The following CAMSAP2 variants were observed in gnomAD, a reference collection of about 807,000 sequenced individuals.
The protein encoded by CAMSAP2 is calmodulin regulated spectrin associated protein family member 2, also known as calmodulin-regulated spectrin-associated protein 2.
In CAMSAP2, 26 loss-of-function variants were observed where a neutral mutation model predicts 146.1. The ratio of observed to expected loss-of-function variants is 0.18; its 90% CI spans 0.13 to 0.25. CAMSAP2 has a LOEUF of 0.25. Among genes scored for constraint, CAMSAP2 ranks in the 10% least tolerant of loss-of-function variants. The probability of loss-of-function intolerance (pLI) is 1.00; values close to 1 mark genes in which losing one functional copy is unlikely to be tolerated. For synonymous variants in CAMSAP2, 499 were observed against 596.6 expected (o/e 0.84, Z 2.38); for missense variants, 1,381 against 1,759.3 (o/e 0.78, Z 3.85).
intron 2 of CAMSAP2, among the ~76,000 whole-genome samples, chr1:200,788,010 A>G (rs1665642490): frequency 6.6e-6 from 1 of 152,222 alleles, no homozygotes; most frequent in Non-Finnish European, 1.5e-5. Flanking sequence ...CATAACTTTT[A>G]TATGCCTGGG....
At position 200,859,054 on chromosome 1, in the gene CAMSAP2, A is replaced by C. The variant is rs1304776724; in HGVS notation, c.*995A>C. Reference sequence around the variant, plus strand: ...TTTTTAAACATGTACAAAGGGCTACATTTTAATTTTAAAATAGCTTCACAT... The same window carrying C: ...TTTTTAAACATGTACAAAGGGCTACCTTTTAATTTTAAAATAGCTTCACAT... On this transcript the variant is annotated 3_prime_UTR_variant, in exon 17 of 17. Coordinates refer to ENST00000358823, the MANE Select transcript of CAMSAP2 (RefSeq NM_203459.4). The C allele has an allele frequency of 6.6e-6, 1 of 152,508 alleles. No homozygotes were observed. Among genetic ancestry groups the C allele is most frequent in the South Asian group, 2.1e-4 (1 of 4,830 alleles). The allele number at this position is 152,508 out of a possible 1,614,324, so 9.4% of individuals were successfully genotyped here.
chr1:200,828,682 AAGTCATTTCATGTAATTCTGTT>A lies in CAMSAP2; in HGVS notation c.646-3510_646-3489del. 3.0e-6 allele frequency: 4 copies of A among 1,327,662 alleles called. No homozygotes were observed. In the South Asian group the frequency reaches 5.2e-5, roughly 17 times the overall value. 82.2% of individuals were successfully genotyped at this position (1,327,662 alleles called of 1,614,324 possible). ...TGGTATTGTTTATGTCTTGCTGTTA[AAGTCATTTCATGTAATTCTGTT>A]AGTCATTGAATAGAGATTGGATTTT... On this transcript the variant is annotated intron_variant, in intron 4 of 16. Transcript: ENST00000358823.
intron 6 of CAMSAP2, among the ~76,000 whole-genome samples, chr1:200,837,033 TA>T (rs34972942): frequency 0.17 from 25,658 of 152,070 alleles, 2,870 homozygotes; most frequent in East Asian, 0.35. Context: ...TCTCCCATTC[TA>T]TAAGCTCTCT....
chr1:200,813,164 C>T (rs952641704), intron 3 of CAMSAP2, among the ~76,000 whole-genome samples: 3 of 152,354 alleles, frequency 2.0e-5, no homozygotes, highest in Admixed American at 1.3e-4. Flanking sequence ...AGGACTTGCT[C>T]TCTGCTTCAG....
In CAMSAP2 at chr1:200,848,111, A is replaced by G. The variant is rs553031275; in HGVS notation, c.1342A>G (p.Ile448Val). 8.1e-6 allele frequency: 13 copies of G among 1,610,376 alleles called. 1 individual carries two copies. In the Middle Eastern group the frequency reaches 8.2e-4, roughly 102 times the overall value. ...SVQRSTPNRG[I>V]TRSISNEGLT... is the part of the protein sequence containing the mutation. ...ACAGAGATCCACTCCAAACCGAGGA[A>G]TCACTCGTTCTATTAGTAATGAAGG... Residue 448 changes from isoleucine to valine, a missense_variant, in exon 11 of 17, where the codon ATC (isoleucine) becomes GTC (valine). Ile to Val is a conservative substitution (Grantham distance 29, BLOSUM62 3). Around this residue, in one of 4 missense-constraint regions of CAMSAP2, gnomAD observed 447 missense variants for 462.2 expected, o/e 0.97. Coordinates refer to ENST00000358823, the MANE Select transcript of CAMSAP2 (RefSeq NM_203459.4).
chr1:200,810,832 C>T (rs1055733842), intron 3 of CAMSAP2, among the ~76,000 whole-genome samples: 5 of 151,702 alleles, frequency 3.3e-5, no homozygotes, highest in South Asian at 2.1e-4. Context: ...GAGGTTGCAG[C>T]GACTCGAGAT....
intron 2 of CAMSAP2, among the ~76,000 whole-genome samples, chr1:200,768,227 G>C (rs933907651): frequency 6.6e-5 from 10 of 152,182 alleles, no homozygotes; most frequent in Non-Finnish European, 1.5e-4. Flanking sequence ...TTTGAAGGAT[G>C]CGGAGGAATT....
intron 1 of CAMSAP2, among the ~76,000 whole-genome samples, chr1:200,751,324 G>A (rs1664500006): frequency 6.6e-6 from 1 of 151,690 alleles, no homozygotes; most frequent in Non-Finnish European, 1.5e-5. Context: ...CTCCTTCAGT[G>A]TATATCTCCT....
chr1:200,817,948 T>TG (rs1666651266), intron 4 of CAMSAP2, among the ~76,000 whole-genome samples: 1 of 152,234 alleles, frequency 6.6e-6, no homozygotes. Flanking sequence ...TTTCTGTCCT[T>TG]GCCTCTTCCC....
chr1:200,849,200 G>A lies in CAMSAP2; in HGVS notation c.2431G>A (p.Glu811Lys). The change falls in exon 11 of 17, where the codon GAG (glutamate) becomes AAG (lysine). Residue 811 changes from glutamate (E) to lysine (K), a missense_variant. Glu to Lys is a moderately conservative substitution (Grantham distance 56, BLOSUM62 1). Around this residue, in one of 4 missense-constraint regions of CAMSAP2, gnomAD observed 560 missense variants for 715.9 expected, o/e 0.78. Coordinates refer to ENST00000358823, the MANE Select transcript of CAMSAP2 (RefSeq NM_203459.4). The surrounding 1 kb of genome is among the most constrained non-coding windows in gnomAD (Gnocchi z 6.3). ...AGAGGAAGCGGCGGGTGCAGAAGAT[G>A]AGAAAGTATATACTGATCGAGCAAA... ...LREEAAGAED[E>K]KVYTDRAKEK... The A allele has an allele frequency of 6.2e-7, 1 of 1,613,762 alleles. No individual in the cohort carries two copies. The highest frequency in any genetic ancestry group is 2.2e-5 in the East Asian group (1 of 44,878).
chr1:200,807,576 C>A, intron 3 of CAMSAP2, 39 bp downstream of exon 3: 5 of 1,346,256 alleles, frequency 3.7e-6, no homozygotes, highest in Non-Finnish European at 4.9e-6. Context: ...CATCTCATAG[C>A]CAGAAAACGT....
chr1:200,789,060 G>GT (rs1405764664), intron 2 of CAMSAP2, among the ~76,000 whole-genome samples: 4 of 151,986 alleles, frequency 2.6e-5, no homozygotes, highest in Admixed American at 1.3e-4. Context: ...AGTTTTAAGA[G>GT]TTTTTTGTAT....
In CAMSAP2 at chr1:200,832,918, G is replaced by A. The variant is rs143028544; in HGVS notation, c.927+73G>A. 12,006 of 1,312,252 alleles carry A rather than the reference G, an allele frequency of 9.1e-3. 77 individuals are homozygous for A. Among genetic ancestry groups the A allele is most frequent in the Middle Eastern group, 0.023 (109 of 4,776 alleles). The allele number at this position is 1,312,252 out of a possible 1,614,324, so 81.3% of individuals were successfully genotyped here. A position where few individuals can be genotyped will look rare whatever the true frequency, so the allele number is the denominator to read the frequency against. ...TTTTTAAAAAACAAACAAAAACACC[G>A]GGAACAGTGGCTCATGCCTGTAATC... On this transcript the variant is annotated intron_variant, in intron 6 of 16. Coordinates refer to ENST00000358823, the MANE Select transcript of CAMSAP2 (RefSeq NM_203459.4). The surrounding 1 kb of genome is among the most constrained non-coding windows in gnomAD (Gnocchi z 4.2).
At chr1:200,851,699 G>T (rs1571833104) in intron 11 of CAMSAP2, among the ~76,000 whole-genome samples, 1 of 152,016 alleles carries the variant, frequency 6.6e-6, no homozygotes, top group Middle Eastern at 3.4e-3. Flanking sequence ...GATTTTTTAG[G>T]CTCCTTGACC....
intron 8 of CAMSAP2, among the ~76,000 whole-genome samples, chr1:200,845,808 A>G (rs1667447660): frequency 1.3e-5 from 2 of 152,216 alleles, no homozygotes; most frequent in African/African-American, 4.8e-5. Flanking sequence ...TAGAATATTT[A>G]TTACAATATT....
At chr1:200,757,203 C>A (rs745916655) in intron 1 of CAMSAP2, among the ~76,000 whole-genome samples, 9 of 152,092 alleles carry the variant, frequency 5.9e-5, no homozygotes, top group Non-Finnish European at 8.8e-5. Flanking sequence ...AAATGTACTC[C>A]CCTCCTGCTT....
chr1:200,816,838 ATGTGTGTACACACACACGCGTGTG>A lies in CAMSAP2; in HGVS notation c.645+1196_645+1219del, dbSNP rs1666537065. Among the ~76,000 whole-genome samples the A allele has an allele frequency of 2.5e-4, 20 of 80,190 alleles. 6 individuals are homozygous for A. The highest frequency in any genetic ancestry group is 8.2e-4 in the African/African-American group (16 of 19,430). The allele number at this position is 80,190 out of a possible 152,430, so 52.6% of individuals were successfully genotyped here. On this transcript the variant is annotated intron_variant, in intron 4 of 16. Coordinates refer to ENST00000358823, the MANE Select transcript of CAMSAP2 (RefSeq NM_203459.4). ...TGTGTGTACACACACACGCGTGTGT[ATGTGTGTACACACACACGCGTGTG>A]TATGTGTGTACACACACACGCGTGT...
At chr1:200,851,174 G>A (rs551095370) in intron 11 of CAMSAP2, among the ~76,000 whole-genome samples, 1 of 151,984 alleles carries the variant, frequency 6.6e-6, no homozygotes, top group Non-Finnish European at 1.5e-5. Context: ...CCTCCTAGAG[G>A]TGCTGCATCT....
intron 4 of CAMSAP2, among the ~76,000 whole-genome samples, chr1:200,817,305 A>G (rs1666628956): frequency 6.9e-6 from 1 of 144,336 alleles, no homozygotes; most frequent in Non-Finnish European, 1.5e-5. Context: ...CAAAATGTAC[A>G]GTATGGTTGT....
Sources: gnomAD v4.1 joint callset for allele counts (sites outside exome capture counted in the v4.1 genomes callset) on GRCh38, gnomAD v4.1.1 for gene constraint, gnomAD v4.1.1 regional missense constraint, Gnocchi (gnomAD v3.1) non-coding constraint, MANE v1.5 for transcripts, NCBI Gene and HGNC (gene_info 2026-07-23, HGNC 2026-07-21) for gene names.